The following INSRR variants were observed in gnomAD, a reference collection of about 807,000 sequenced individuals.
INSRR encodes insulin receptor-related protein.
Under a neutral mutation model 130.0 loss-of-function variants are expected in INSRR, and 114 were observed. That is an observed-to-expected ratio of 0.88 (90% CI 0.75 to 1.02). The LOEUF is 1.02. INSRR is among the 50% of genes least tolerant of loss of function. The probability of loss-of-function intolerance (pLI) is 0.00; values close to 1 mark genes in which losing one functional copy is unlikely to be tolerated. For synonymous variants in INSRR, 674 were observed against 705.2 expected (o/e 0.96, Z 0.70); for missense variants, 1,657 against 1,735.2 (o/e 0.95, Z 0.80).
intron 7 of INSRR, among the ~76,000 whole-genome samples, chr1:156,848,428 G>A (rs184257198): frequency 3.9e-5 from 6 of 152,178 alleles, no homozygotes; most frequent in Admixed American, 2.6e-4. Context: ...CTTTCCTGTG[G>A]TCTAACCACT....
In INSRR at chr1:156,854,218, G is replaced by C; in HGVS notation, c.171C>G (p.Ile57Met). 6.2e-7 allele frequency: 1 copy of C among 1,614,028 alleles called. No homozygotes were observed. The highest frequency in any genetic ancestry group is 8.5e-7 in the Non-Finnish European group (1 of 1,180,030). ...NCSVVEGHLQ[I>M]LLMFTATGED... ...CCCCGGTGGCTGTGAACATGAGCAG[G>C]ATCTGCAGGTGGCCCTCCACCACGC... The change falls in exon 2 of 22, where the codon ATC (isoleucine) becomes ATG (methionine). Residue 57 changes from isoleucine to methionine, a missense_variant. Ile to Met is a conservative substitution (Grantham distance 10, BLOSUM62 1). Transcript: ENST00000368195. This position sits in a 1 kb window ranked among gnomAD's most constrained non-coding sequence, Gnocchi z 4.2.
intron 1 of INSRR, among the ~76,000 whole-genome samples, chr1:156,855,893 A>G (rs186942386): frequency 5.8e-4 from 88 of 152,004 alleles, no homozygotes; most frequent in African/African-American, 2.0e-3. Flanking sequence ...ATTTTTCTCT[A>G]TAATTCTTAA....
intron 9 of INSRR, 44 bp from the exon 10 acceptor site, chr1:156,845,858 C>A (rs748716870): frequency 2.5e-5 from 40 of 1,602,418 alleles, no homozygotes; most frequent in Admixed American, 2.4e-4. Flanking sequence ...GGCGGTCTAC[C>A]CGCCTCTGAT....
rs576951236 is a variant in INSRR, at chr1:156,841,060, C to T, written c.3707G>A (p.Arg1236His). 23 of 1,581,720 alleles carry T rather than the reference C, an allele frequency of 1.5e-5. No homozygotes were observed. The highest frequency in any genetic ancestry group is 9.3e-5 in the East Asian group (4 of 43,130). Reference sequence around the variant, plus strand: ...GTCCAGAATGTGTGTGAAAGATGGGCGCAGGCGTGGGTTCGGCTGCCAGCA... The same window carrying T: ...GTCCAGAATGTGTGTGAAAGATGGGTGCAGGCGTGGGTTCGGCTGCCAGCA... Reference protein sequence around the residue: ...SRCWQPNPRLRPSFTHILDSI... With the variant: ...SRCWQPNPRLHPSFTHILDSI... The change falls in exon 22 of 22, where the codon CGC becomes CAC. Residue 1236 changes from arginine (R) to histidine (H), a missense_variant. Physicochemically the swap from Arg to His is conservative, Grantham distance 29 (BLOSUM62 0). Coordinates refer to ENST00000368195, the MANE Select transcript of INSRR (RefSeq NM_014215.3).
At position 156,840,536 on chromosome 1, in the gene INSRR, A is replaced by C. The variant is rs1446874163; in HGVS notation, c.*337T>G. The C allele has an allele frequency of 3.2e-5, 11 of 344,986 alleles. No individual in the cohort carries two copies. The highest frequency in any genetic ancestry group is 4.2e-5 in the African/African-American group (2 of 47,226). 21.4% of individuals were successfully genotyped at this position (344,986 alleles called of 1,614,324 possible). On this transcript the variant is annotated 3_prime_UTR_variant, in exon 22 of 22. Transcript: ENST00000368195. Reference sequence around the variant, plus strand: ...CCCTACCTGTCCAGAGGAGACCCCAAACTGAGGGGCAGGGCCTCTAGGGTG... The same window carrying C: ...CCCTACCTGTCCAGAGGAGACCCCACACTGAGGGGCAGGGCCTCTAGGGTG...
Position 156,846,117 on chromosome 1 carries a change from G to A in INSRR, c.1813C>T (p.Pro605Ser). The A allele has an allele frequency of 6.3e-7, 1 of 1,591,944 alleles. No homozygotes were observed. The highest frequency in any genetic ancestry group is 8.6e-7 in the Non-Finnish European group (1 of 1,168,542). Residue 605 changes from proline (P) to serine (S), a missense_variant and splice_region_variant, in exon 9 of 22, where the codon CCC becomes TCC. Pro to Ser is a moderately conservative substitution (Grantham distance 74). Coordinates refer to ENST00000368195, the MANE Select transcript of INSRR (RefSeq NM_014215.3). ...GAGATGACGTCTTGGGGCACCGTGG[G>A]AGCTAGGAGTGCGAGAAGGATGCAA... is the stretch of plus-strand genomic sequence containing the variant. ...IVYLRTLPAA[P>S]TVPQDVISTS... is the part of the protein sequence containing the mutation.
In INSRR at chr1:156,844,227, GCCCCA is replaced by G. The variant is rs1285524392; in HGVS notation, c.2786_2790del (p.Val929AlafsTer35). ...GCAGCAAGAACGATGAGCAGCGTGAGCCCCACAGGGGTGGCAGTGAGGAGGACATG... is the reference window on the plus strand; with the variant it reads ...GCAGCAAGAACGATGAGCAGCGTGAGCAGGGGTGGCAGTGAGGAGGACATG... On this transcript the variant is annotated frameshift_variant, in exon 15 of 22. Transcript: ENST00000368195. LOFTEE classifies it high-confidence loss of function. 29 of 1,613,970 alleles carry G rather than the reference GCCCCA, an allele frequency of 1.8e-5. No individual in the cohort carries two copies. Among genetic ancestry groups the G allele is most frequent in the Non-Finnish European group, 2.5e-5 (29 of 1,179,980 alleles).
At position 156,853,772 on chromosome 1, in the gene INSRR, G is replaced by T. The variant is rs776212841; in HGVS notation, c.617C>A (p.Thr206Asn). 1 of 1,603,384 alleles carries T rather than the reference G, an allele frequency of 6.2e-7. No homozygotes were observed. The highest frequency in any genetic ancestry group is 8.5e-7 in the Non-Finnish European group (1 of 1,171,664). ...FSGHTDYRCWTSSHCQRVCPC... is the reference protein window; with the variant it reads ...FSGHTDYRCWNSSHCQRVCPC... ...CCCACCTCTCTGGCAGTGGCTGGAG[G>T]TCCAGCATCTGTAGTCAGTGTGCCC... The change falls in exon 2 of 22, where the codon ACC becomes AAC. Residue 206 changes from threonine to asparagine, a missense_variant. Thr to Asn is a moderately conservative substitution (Grantham distance 65). Coordinates refer to ENST00000368195, the MANE Select transcript of INSRR (RefSeq NM_014215.3).
At position 156,842,204 on chromosome 1, in the gene INSRR, C is replaced by T. The variant is rs1281379240; in HGVS notation, c.3305G>A (p.Gly1102Asp). 6 of 1,613,944 alleles carry T rather than the reference C, an allele frequency of 3.7e-6. No homozygotes were observed. The change falls in exon 19 of 22, where the codon GGC (glycine) becomes GAC (aspartate). Residue 1102 changes from glycine to aspartate, a missense_variant. Transcript: ENST00000368195. ...MIQMAGEIAD[G>D]MAYLAANKFV... Reference sequence around the variant, plus strand: ...CTTGTTGGCAGCAAGGTAGGCCATGCCGTCTGCAATCTCACCAGCCATTTG... The same window carrying T: ...CTTGTTGGCAGCAAGGTAGGCCATGTCGTCTGCAATCTCACCAGCCATTTG...
chr1:156,848,885 T>C (rs1281781551), intron 7 of INSRR, 36 bp downstream of exon 7: 7 of 1,545,678 alleles, frequency 4.5e-6, no homozygotes, highest in East Asian at 4.9e-5. Flanking sequence ...CCTCGTCCGG[T>C]CCCGCCCCCG....
At position 156,845,253 on chromosome 1, in the gene INSRR, C is replaced by A. The variant is rs375340161; in HGVS notation, c.2260G>T (p.Gly754Trp). ...ATCTCGAAATCCGAGCTGTTGCCCC[C>A]CAGCCGGAGGGGCCCAGCTGCCCGG... The part of the protein sequence containing the change: ...HRRAAGPLRL[G>W]GNSSDFEIQE... Residue 754 changes from glycine (G) to tryptophan (W), a missense_variant, in exon 12 of 22, where the codon GGG becomes TGG. Coordinates refer to ENST00000368195, the MANE Select transcript of INSRR (RefSeq NM_014215.3). 4 of 1,611,474 alleles carry A rather than the reference C, an allele frequency of 2.5e-6. No individual in the cohort carries two copies. The highest frequency in any genetic ancestry group is 3.4e-6 in the Non-Finnish European group (4 of 1,179,012).
chr1:156,858,857 T>C lies in INSRR; in HGVS notation c.-236A>G, dbSNP rs572255757. On this transcript the variant is annotated 5_prime_UTR_variant, in exon 1 of 22. Transcript: ENST00000368195. ...GGAGACAGAGAGACTCAGCATGAGA[T>C]TGAGAGATGGGGACAGAGATGCAGA... 3 of 565,826 alleles carry C rather than the reference T, an allele frequency of 5.3e-6. No individual in the cohort carries two copies. The highest frequency in any genetic ancestry group is 3.8e-5 in the African/African-American group (2 of 53,110). 35.1% of individuals were successfully genotyped at this position (565,826 alleles called of 1,614,324 possible).
At chr1:156,849,167 C>T (rs996624552) in intron 6 of INSRR, 79 bp downstream of exon 6, 4 of 1,601,242 alleles carry the variant, frequency 2.5e-6, no homozygotes, top group African/African-American at 2.7e-5. Context: ...GAGTGTCCCC[C>T]TCGAGCTTTC....
rs772502532 is a variant in INSRR, at chr1:156,844,467, C to G, written c.2732G>C (p.Gly911Ala). ...WTDSVAFYILGPEEEDAGGLH... is the reference protein window; with the variant it reads ...WTDSVAFYILAPEEEDAGGLH... ...GTGACAGAGGCTGTGTATACCTGGG[C>G]CAAGGATGTAGAAGGCAACACTGTC... Residue 911 changes from glycine (G) to alanine (A), a missense_variant, in exon 14 of 22, where the codon GGC (glycine) becomes GCC (alanine). Coordinates refer to ENST00000368195, the MANE Select transcript of INSRR (RefSeq NM_014215.3). 6.2e-7 allele frequency: 1 copy of G among 1,613,104 alleles called. No individual in the cohort carries two copies. Among genetic ancestry groups the G allele is most frequent in the African/African-American group, 1.3e-5 (1 of 74,876 alleles).
intron 10 of INSRR, 93 bp from the exon 11 acceptor site, chr1:156,845,506 G>T (rs1654963467): frequency 6.0e-6 from 9 of 1,490,456 alleles, no homozygotes; most frequent in Non-Finnish European, 8.0e-6. Flanking sequence ...CCCACAACCC[G>T]GGACCCGCCC....
At chr1:156,845,550 C>T in intron 10 of INSRR, 69 bp downstream of exon 10, 1 of 1,390,828 alleles carries the variant, frequency 7.2e-7, no homozygotes, top group East Asian at 2.4e-5. Flanking sequence ...AACCCCACCC[C>T]TCCCGCAAGA....
At chr1:156,843,336 A>G in intron 16 of INSRR, 91 bp downstream of exon 16, 1 of 1,568,888 alleles carries the variant, frequency 6.4e-7, no homozygotes, top group Non-Finnish European at 8.8e-7. Context: ...TCCCAAGGCT[A>G]TCTTCTGCAA....
In INSRR at chr1:156,845,950, A is replaced by C; in HGVS notation, c.1978+2T>G. On this transcript the variant is annotated splice_donor_variant, in intron 9 of 21. Coordinates refer to ENST00000368195, the MANE Select transcript of INSRR (RefSeq NM_014215.3). LOFTEE classifies it high-confidence loss of function. ...GCCGGCCTGCGCGTCGTCCCTGCGC[A>C]CCGCGGTGGCAGTAGTCATTGAGGT... 1 of 1,610,902 alleles carries C rather than the reference A, an allele frequency of 6.2e-7. No homozygotes were observed. The highest frequency in any genetic ancestry group is 8.5e-7 in the Non-Finnish European group (1 of 1,178,640).
At position 156,854,196 on chromosome 1, in the gene INSRR, C is replaced by T. The variant is rs781038209; in HGVS notation, c.193G>A (p.Gly65Arg). The part of the protein sequence containing the change: ...LQILLMFTAT[G>R]EDFRGLSFPR... ...AAGCTGAGGCCGCGGAAGTCCTCCC[C>T]GGTGGCTGTGAACATGAGCAGGATC... is the stretch of plus-strand genomic sequence containing the variant. Residue 65 changes from glycine (G) to arginine (R), a missense_variant, in exon 2 of 22, where the codon GGG (glycine) becomes AGG (arginine). By Grantham distance (125) the Gly-to-Arg change is moderately radical (BLOSUM62 -2). Coordinates refer to ENST00000368195, the MANE Select transcript of INSRR (RefSeq NM_014215.3). This position sits in a 1 kb window ranked among gnomAD's most constrained non-coding sequence, Gnocchi z 4.2. The T allele has an allele frequency of 2.2e-5, 36 of 1,613,974 alleles. No individual in the cohort carries two copies. Among genetic ancestry groups the T allele is most frequent in the South Asian group, 6.6e-5 (6 of 91,084 alleles).
Sources: allele counts gnomAD v4.1 joint callset (sites outside exome capture counted in the v4.1 genomes callset), GRCh38; gene constraint gnomAD v4.1.1; non-coding constraint Gnocchi (gnomAD v3.1); transcripts MANE v1.5; gene names NCBI Gene and HGNC (gene_info 2026-07-23, HGNC 2026-07-21).